PIAS1: variants seen among roughly 807,000 people sequenced by gnomAD.
PIAS1 encodes the protein protein inhibitor of activated STAT 1.
A neutral mutation model predicts 71.3 loss-of-function variants in PIAS1; 6 were observed. The ratio of observed to expected loss-of-function variants is 0.08; its 90% CI spans 0.05 to 0.17. PIAS1 has a LOEUF of 0.17. Ranked by LOEUF, PIAS1 falls within the 10% of genes least tolerant of loss-of-function variation. The pLI is 1.00. For missense variants in PIAS1, 555 were observed against 793.6 expected, an observed-to-expected ratio of 0.70 and a Z score of 3.61; for synonymous variants, 303 against 292.9, an observed-to-expected ratio of 1.03 and a Z score of -0.35.
intron 12 of PIAS1, among the ~76,000 whole-genome samples, chr15:68,183,412 G>A (rs1477172479): frequency 6.6e-6 from 1 of 152,128 alleles, no homozygotes; most frequent in Non-Finnish European, 1.5e-5. Context: ...CCCCCAAATG[G>A]GGTCACGGAG....
At chr15:68,127,834 C>T (rs2092661773) in intron 2 of PIAS1, among the ~76,000 whole-genome samples, 1 of 152,124 alleles carries the variant, frequency 6.6e-6, no homozygotes, top group Non-Finnish European at 1.5e-5. Flanking sequence ...GTGACCTCAG[C>T]TCGCTGCAAC....
chr15:68,182,425 AGTGTGTGTGTGTGTGTGT>A (rs10532167), intron 12 of PIAS1, among the ~76,000 whole-genome samples: 2 of 123,278 alleles, frequency 1.6e-5, no homozygotes, highest in African/African-American at 6.2e-5. Context: ...AGTTACAGCT[AGTGTGTGTGTGTGTGTGT>A]GTGTGTGTGT....
Position 68,187,917 on chromosome 15 carries a change from C to T in PIAS1, c.*82C>T. 7.7e-7 allele frequency: 1 copy of T among 1,306,712 alleles called. No homozygotes were observed. Among genetic ancestry groups the T allele is most frequent in the Non-Finnish European group, 1.1e-6 (1 of 943,740 alleles). 80.9% of individuals were successfully genotyped at this position (1,306,712 alleles called of 1,614,324 possible). On this transcript the variant is annotated 3_prime_UTR_variant, in exon 14 of 14. Transcript: ENST00000249636. The surrounding 1 kb of genome is among the most constrained non-coding windows in gnomAD (Gnocchi z 5.3). ...AAGAGAACTTTGTGCTCTGTTTTACCTTACTCTGTTTAGAAAAGTATACAA... is the reference window on the plus strand; with the variant it reads ...AAGAGAACTTTGTGCTCTGTTTTACTTTACTCTGTTTAGAAAAGTATACAA...
At chr15:68,056,312 A>T (rs1315072633) in intron 1 of PIAS1, among the ~76,000 whole-genome samples, 2 of 152,168 alleles carry the variant, frequency 1.3e-5, no homozygotes, top group East Asian at 3.8e-4. Context: ...ATGCTGAGAG[A>T]TTTCCTTCTT....
chr15:68,134,748 G>T (rs1233685340), intron 2 of PIAS1, among the ~76,000 whole-genome samples: 10 of 42,864 alleles, frequency 2.3e-4, no homozygotes, highest in African/African-American at 4.4e-4. Context: ...CGGACGGGGC[G>T]GCTGGCCGGG....
intron 12 of PIAS1, among the ~76,000 whole-genome samples, chr15:68,182,425 AGTGTGTGTGTGTGTGTGTGT>A (rs10532167): frequency 8.1e-6 from 1 of 123,338 alleles, no homozygotes; most frequent in African/African-American, 3.1e-5. Flanking sequence ...AGTTACAGCT[AGTGTGTGTGTGTGTGTGTGT>A]GTGTGTGTGT....
At chr15:68,144,451 C>CT (rs974799990) in intron 4 of PIAS1, among the ~76,000 whole-genome samples, 1 of 151,896 alleles carries the variant, frequency 6.6e-6, no homozygotes, top group Non-Finnish European at 1.5e-5. Flanking sequence ...TCCTTTTTTT[C>CT]TTTTTTCTCT....
At chr15:68,157,466 C>T (rs925371357) in intron 7 of PIAS1, among the ~76,000 whole-genome samples, 2 of 152,212 alleles carry the variant, frequency 1.3e-5, no homozygotes, top group Non-Finnish European at 2.9e-5. Flanking sequence ...CACTGCATCT[C>T]ATTATGGTCT....
intron 1 of PIAS1, among the ~76,000 whole-genome samples, chr15:68,075,242 C>A (rs1244192686): frequency 6.6e-6 from 1 of 151,668 alleles, no homozygotes; most frequent in African/African-American, 2.4e-5. Context: ...CCCACCACCA[C>A]ACCTGGCTAA....
chr15:68,090,715 A>G (rs1231738022), intron 2 of PIAS1, among the ~76,000 whole-genome samples: 1 of 152,180 alleles, frequency 6.6e-6, no homozygotes, highest in East Asian at 1.9e-4. Context: ...AGAGTAGGGA[A>G]GAATGGTATT....
At position 68,054,337 on chromosome 15, in the gene PIAS1, G is replaced by C; in HGVS notation, c.11G>C (p.Ser4Thr). Residue 4 changes from serine to threonine, a missense_variant, in exon 1 of 14, where the codon AGT (serine) becomes ACT (threonine). Coordinates refer to ENST00000249636, the MANE Select transcript of PIAS1 (RefSeq NM_016166.3). The surrounding 1 kb of genome is among the most constrained non-coding windows in gnomAD (Gnocchi z 4.6). MAD[S>T]AELKQMVMSL... ...GCTGACAGACGCAAGATGGCGGACA[G>C]TGCGGAACTAAAGGTAAAGCGCAGC... The C allele has an allele frequency of 6.3e-7, 1 of 1,577,824 alleles. No homozygotes were observed. Among genetic ancestry groups the C allele is most frequent in the Non-Finnish European group, 8.6e-7 (1 of 1,162,546 alleles).
chr15:68,181,425 G>C, intron 12 of PIAS1, 71 bp downstream of exon 12: 2 of 1,464,510 alleles, frequency 1.4e-6, no homozygotes, highest in Non-Finnish European at 1.9e-6. Context: ...TTCTCTTCTA[G>C]GTGAATCTAA....
intron 7 of PIAS1, among the ~76,000 whole-genome samples, chr15:68,158,245 T>G (rs62004792): frequency 4.9e-4 from 74 of 152,188 alleles, no homozygotes; most frequent in Non-Finnish European, 7.2e-4. Context: ...ACGTGGCACC[T>G]GCTTATTACT....
At position 68,135,798 on chromosome 15, in the gene PIAS1, C is replaced by T. The variant is rs376374216; in HGVS notation, c.470-6148C>T. On this transcript the variant is annotated intron_variant, in intron 2 of 13. Transcript: ENST00000249636. ...GGGGCGGCTGCCGGGCGGAGGGGCTCCTCACTTCTCAGACGGGGCAGTTGC... is the reference window on the plus strand; with the variant it reads ...GGGGCGGCTGCCGGGCGGAGGGGCTTCTCACTTCTCAGACGGGGCAGTTGC... 5.0e-4 allele frequency among the ~76,000 whole-genome samples: 22 copies of T among 44,226 alleles called. 4 individuals carry two copies. The East Asian group carries it at 7.2e-3, about 15-fold the overall frequency. The allele number at this position is 44,226 out of a possible 152,430, so 29.0% of individuals were successfully genotyped here.
At chr15:68,160,514 G>A (rs1237548089) in intron 7 of PIAS1, among the ~76,000 whole-genome samples, 2 of 152,128 alleles carry the variant, frequency 1.3e-5, no homozygotes, top group Non-Finnish European at 2.9e-5. Flanking sequence ...TAGCTTGATA[G>A]TAAGTCTTGA....
chr15:68,192,721 T>TCCCAAAAGACACATCCC lies in PIAS1; in HGVS notation c.*4887_*4903dup, dbSNP rs2141118808. On this transcript the variant is annotated 3_prime_UTR_variant, in exon 14 of 14. Coordinates refer to ENST00000249636, the MANE Select transcript of PIAS1 (RefSeq NM_016166.3). ...TGAAAGATTTGTGTCTTGTACATCC[T>TCCCAAAAGACACATCCC]CCCAAAAGACACATCCCATTTGATT... 6.6e-6 allele frequency: 1 copy of TCCCAAAAGACACATCCC among 152,390 alleles called. No individual in the cohort carries two copies. The highest frequency in any genetic ancestry group is 2.1e-4 in the South Asian group (1 of 4,830). 9.4% of individuals were successfully genotyped at this position (152,390 alleles called of 1,614,324 possible). A position where few individuals can be genotyped will look rare whatever the true frequency, so the allele number is the denominator to read the frequency against.
rs1409477550 is a variant in PIAS1 at position 68,054,516 on chromosome 15, G to C, written c.24+166G>C. ...CGGTCTCAGCAGAGGGGGCCCGCCT[G>C]CGGCGGGCCGCGGGCCCCGGGTGCC... On this transcript the variant is annotated intron_variant, in intron 1 of 13. Transcript: ENST00000249636. The surrounding 1 kb of genome is among the most constrained non-coding windows in gnomAD (Gnocchi z 4.6). 3 of 584,298 alleles carry C rather than the reference G, an allele frequency of 5.1e-6. No individual in the cohort carries two copies. The highest frequency in any genetic ancestry group is 8.5e-6 in the Non-Finnish European group (3 of 354,288). The allele number at this position is 584,298 out of a possible 1,614,324, so 36.2% of individuals were successfully genotyped here.
At chr15:68,124,089 CTG>C (rs1757713050) in intron 2 of PIAS1, among the ~76,000 whole-genome samples, 1 of 152,052 alleles carries the variant, frequency 6.6e-6, no homozygotes, top group Non-Finnish European at 1.5e-5. Context: ...CTTTATCTCT[CTG>C]TGTCTGTATT....
chr15:68,083,574 A>T (rs1443228155), intron 1 of PIAS1, among the ~76,000 whole-genome samples: 1 of 152,158 alleles, frequency 6.6e-6, no homozygotes, highest in Admixed American at 6.6e-5. Flanking sequence ...TTTTTCTGTT[A>T]TCCAATTAAA....
Sources: gnomAD v4.1 joint callset for allele counts (sites outside exome capture counted in the v4.1 genomes callset) on GRCh38, gnomAD v4.1.1 for gene constraint, Gnocchi (gnomAD v3.1) non-coding constraint, MANE v1.5 for transcripts, NCBI Gene and HGNC (gene_info 2026-07-23, HGNC 2026-07-21) for gene names.